The following TRPM3 variants were observed in gnomAD, a reference collection of about 807,000 sequenced individuals.
TRPM3 encodes the protein long transient receptor potential channel 3.
TRPM3 carries 77 observed loss-of-function variants against 181.2 expected under a neutral mutation model. The observed-to-expected ratio is 0.42, with a 90% confidence interval of 0.35 to 0.51. The LOEUF is 0.51. TRPM3 is among the 20% of genes least tolerant of loss of function. The pLI, the probability that TRPM3 is intolerant of heterozygous loss-of-function variation, is 0.01. For synonymous variants in TRPM3, 745 were observed against 796.4 expected (o/e 0.94, Z 1.09); for missense variants, 1,759 against 2,196.7 (o/e 0.80, Z 3.98).
chr9:70,542,598 AT>A (rs1245572592), intron 25 of TRPM3, among the ~76,000 whole-genome samples: 4 of 152,208 alleles, frequency 2.6e-5, no homozygotes, highest in Non-Finnish European at 5.9e-5. Flanking sequence ...GGCACAGAAC[AT>A]TTTGGCTTCC....
At chr9:71,024,902 G>C (rs1047706293) in intron 1 of TRPM3, among the ~76,000 whole-genome samples, 4 of 152,026 alleles carry the variant, frequency 2.6e-5, no homozygotes, top group Non-Finnish European at 5.9e-5. Flanking sequence ...TTCTAAAGCT[G>C]TTTGAAAAAA....
At position 70,547,132 on chromosome 9, in the gene TRPM3, G is replaced by A. The variant is rs574485369; in HGVS notation, c.3707+2410C>T. ...ACTCCTTTTCCTAAGTCTTTTAGTA[G>A]GACAAAAAGGCATCTCTTAATGTTG... On this transcript the variant is annotated intron_variant, in intron 25 of 25. Coordinates refer to ENST00000677713, the MANE Select transcript of TRPM3 (RefSeq NM_001366145.2). Among the ~76,000 whole-genome samples the A allele has an allele frequency of 4.6e-5, 7 of 152,146 alleles. No homozygotes were observed. In the South Asian group the frequency reaches 1.2e-3, roughly 27 times the overall value.
rs371291261 is a variant in TRPM3, at chr9:70,741,977, A to G, written c.1272+19624T>C. ...GTTCCCCCAAAAACCTATTGAAATAAGAAAGAAAACAACAACAAAAATATA... is the reference window on the plus strand; with the variant it reads ...GTTCCCCCAAAAACCTATTGAAATAGGAAAGAAAACAACAACAAAAATATA... On this transcript the variant is annotated intron_variant, in intron 8 of 25. Transcript: ENST00000677713. Among the ~76,000 whole-genome samples the G allele has an allele frequency of 1.3e-3, 205 of 152,294 alleles. 3 individuals are homozygous for G. The South Asian group carries it at 0.019, about 14-fold the overall frequency.
intron 1 of TRPM3, among the ~76,000 whole-genome samples, chr9:71,372,638 C>T (rs550345519): frequency 1.7e-3 from 257 of 152,174 alleles, no homozygotes; most frequent in African/African-American, 6.0e-3. Flanking sequence ...GCTTGTGGGC[C>T]ACATGTATGT....
At chr9:70,998,218 T>C (rs1482933200) in intron 1 of TRPM3, among the ~76,000 whole-genome samples, 1 of 140,320 alleles carries the variant, frequency 7.1e-6, no homozygotes, top group Non-Finnish European at 1.5e-5. Context: ...TATACACATA[T>C]ATATACATAT....
chr9:70,922,946 C>T (rs2096672924), intron 1 of TRPM3, among the ~76,000 whole-genome samples: 1 of 152,104 alleles, frequency 6.6e-6, no homozygotes, highest in African/African-American at 2.4e-5. Context: ...CACAAAAGCT[C>T]ATCTGCTATG....
intron 1 of TRPM3, among the ~76,000 whole-genome samples, chr9:70,950,689 AG>A (rs2096988476): frequency 6.6e-6 from 1 of 152,180 alleles, no homozygotes; most frequent in South Asian, 2.1e-4. Flanking sequence ...AACCAACATT[AG>A]AAACTATGAA....
At chr9:71,355,132 A>G (rs772488061) in intron 1 of TRPM3, among the ~76,000 whole-genome samples, 65 of 152,064 alleles carry the variant, frequency 4.3e-4, no homozygotes, top group Non-Finnish European at 9.1e-4. Flanking sequence ...TTTCCTTCCA[A>G]TCTCATGGTT....
intron 1 of TRPM3, among the ~76,000 whole-genome samples, chr9:71,376,887 C>T (rs1378532941): frequency 6.6e-6 from 1 of 151,958 alleles, no homozygotes; most frequent in East Asian, 1.9e-4. Context: ...ATTTTTTATG[C>T]TAATCATAAA....
intron 1 of TRPM3, among the ~76,000 whole-genome samples, chr9:71,111,990 T>C (rs1165282635): frequency 6.6e-6 from 1 of 152,204 alleles, no homozygotes; most frequent in African/African-American, 2.4e-5. Context: ...TGATCCATGA[T>C]ACATGATATA....
intron 3 of TRPM3, among the ~76,000 whole-genome samples, chr9:70,858,941 C>A (rs189692952): frequency 6.6e-6 from 1 of 152,070 alleles, no homozygotes; most frequent in Non-Finnish European, 1.5e-5. Context: ...AGGTCAGGGG[C>A]GGGTATGTAC....
chr9:70,597,135 G>A (rs1279407189), intron 21 of TRPM3, among the ~76,000 whole-genome samples: 2 of 152,052 alleles, frequency 1.3e-5, no homozygotes, highest in African/African-American at 4.8e-5. Flanking sequence ...GTTTCTCCAT[G>A]TTGGTCAGGC....
intron 1 of TRPM3, among the ~76,000 whole-genome samples, chr9:70,953,641 G>T (rs1442394054): frequency 1.3e-5 from 2 of 152,102 alleles, no homozygotes; most frequent in African/African-American, 4.8e-5. Flanking sequence ...ACAAACCCAA[G>T]AATTTGGGTT....
At chr9:71,311,796 TAATAA>T (rs1006045410) in intron 1 of TRPM3, among the ~76,000 whole-genome samples, 1 of 151,228 alleles carries the variant, frequency 6.6e-6, no homozygotes, top group Non-Finnish European at 1.5e-5. Flanking sequence ...CAAAAAAAAA[TAATAA>T]AATAAATATA....
At chr9:71,315,335 C>T (rs1003781794) in intron 1 of TRPM3, among the ~76,000 whole-genome samples, 2 of 152,084 alleles carry the variant, frequency 1.3e-5, no homozygotes, top group African/African-American at 2.4e-5. Flanking sequence ...GATTCTATTG[C>T]ATAATTCAGG....
chr9:70,670,909 A>C (rs910627668), intron 9 of TRPM3, among the ~76,000 whole-genome samples: 1 of 152,188 alleles, frequency 6.6e-6, no homozygotes, highest in Non-Finnish European at 1.5e-5. Flanking sequence ...AGGTTAGATA[A>C]CTTTGTTTAC....
Position 70,618,908 on chromosome 9 carries a change from A to G in TRPM3, c.2317T>C (p.Trp773Arg). ...TCSQMLLTDMWMGRLRMRKNS... is the reference protein window; with the variant it reads ...TCSQMLLTDMRMGRLRMRKNS... The stretch of plus-strand genomic sequence containing the variant: ...TTGCGCATGCGGAGCCGGCCCATCC[A>G]CATGTCGGTGAGCAGCATCTGGCTG... Residue 773 changes from tryptophan to arginine, a missense_variant, in exon 17 of 26, where the codon TGG becomes CGG. This residue lies in a region of TRPM3 where 114 missense variants were observed against 134.8 expected (regional missense o/e 0.85). Coordinates refer to ENST00000677713, the MANE Select transcript of TRPM3 (RefSeq NM_001366145.2). The G allele has an allele frequency of 6.2e-7, 1 of 1,611,312 alleles. No individual in the cohort carries two copies. The highest frequency in any genetic ancestry group is 1.1e-5 in the South Asian group (1 of 91,074).
chr9:71,112,919 C>T (rs2071455224), intron 1 of TRPM3, among the ~76,000 whole-genome samples: 1 of 152,096 alleles, frequency 6.6e-6, no homozygotes, highest in Admixed American at 6.6e-5. Context: ...GCAGGTTTTC[C>T]AGGCAGTAGA....
chr9:70,847,025 AT>A (rs2094991300), intron 3 of TRPM3, among the ~76,000 whole-genome samples: 1 of 152,216 alleles, frequency 6.6e-6, no homozygotes, highest in Non-Finnish European at 1.5e-5. Context: ...AGATTCTAGA[AT>A]TCTACATAAT....
Sources: allele counts gnomAD v4.1 joint callset (sites outside exome capture counted in the v4.1 genomes callset), GRCh38; gene constraint gnomAD v4.1.1; regional missense constraint gnomAD v4.1.1; transcripts MANE v1.5; gene names NCBI Gene and HGNC (gene_info 2026-07-23, HGNC 2026-07-21).